Variants in PPP1R21 observed in about 807,000 individuals in gnomAD.
The protein encoded by PPP1R21 is protein phosphatase 1 regulatory subunit 21.
Under a neutral mutation model 112.8 loss-of-function variants are expected in PPP1R21, and 85 were observed. That is an observed-to-expected ratio of 0.75 (90% CI 0.63 to 0.90). PPP1R21 has a LOEUF of 0.90. Ranked by LOEUF, PPP1R21 falls within the 40% of genes least tolerant of loss-of-function variation. The pLI is 0.00. For missense variants in PPP1R21, 1,199 were observed against 901.5 expected, an observed-to-expected ratio of 1.33 and a Z score of -4.23; for synonymous variants, 381 against 322.3, an observed-to-expected ratio of 1.18 and a Z score of -1.95.
intron 2 of PPP1R21, among the ~76,000 whole-genome samples, chr2:48,453,246 AC>A (rs1303893184): frequency 6.6e-6 from 1 of 151,970 alleles, no homozygotes; most frequent in African/African-American, 2.4e-5. Context: ...GAGCCACTGC[AC>A]CTGGCCTAGG....
rs1432323397 is a variant in PPP1R21 at position 48,489,702 on chromosome 2, G to A, written c.1447-1316G>A. The stretch of plus-strand genomic sequence containing the variant: ...GGCACGGTAGCTCACCTGAGGTCAC[G>A]AGTTTGAGACCAGCCTGGCCAACAT... On this transcript the variant is annotated intron_variant, in intron 14 of 21. Transcript: ENST00000294952. Among the ~76,000 whole-genome samples the A allele has an allele frequency of 2.0e-5, 3 of 152,028 alleles. No homozygotes were observed. The East Asian group carries it at 5.9e-4, about 30-fold the overall frequency.
At chr2:48,457,098 G>A (rs1667762644) in intron 3 of PPP1R21, among the ~76,000 whole-genome samples, 1 of 152,106 alleles carries the variant, frequency 6.6e-6, no homozygotes, top group African/African-American at 2.4e-5. Flanking sequence ...GACCCTTGGG[G>A]AGAGAATAGT....
chr2:48,490,966 T>A (rs769478142), intron 14 of PPP1R21, 52 bp from the exon 15 acceptor site: 7 of 1,488,070 alleles, frequency 4.7e-6, no homozygotes, highest in Non-Finnish European at 6.6e-6. Flanking sequence ...GATATATATT[T>A]TAGATATATT....
At chr2:48,451,322 C>T (rs1667459652) in intron 2 of PPP1R21, among the ~76,000 whole-genome samples, 1 of 152,194 alleles carries the variant, frequency 6.6e-6, no homozygotes, top group Admixed American at 6.5e-5. Context: ...TGCATTACTC[C>T]TGTGCCTCAA....
At position 48,483,596 on chromosome 2, in the gene PPP1R21, A is replaced by G. The variant is rs562005331; in HGVS notation, c.1319-3035A>G. On this transcript the variant is annotated intron_variant, in intron 13 of 21. Coordinates refer to ENST00000294952, the MANE Select transcript of PPP1R21 (RefSeq NM_001135629.3). Reference sequence around the variant, plus strand: ...CACGTTAACTGACTTGTACTGCTTTATAAGCTCATTTAGCAAAGTAGTGCA... The same window carrying G: ...CACGTTAACTGACTTGTACTGCTTTGTAAGCTCATTTAGCAAAGTAGTGCA... Among the ~76,000 whole-genome samples the G allele has an allele frequency of 6.1e-4, 93 of 152,364 alleles. 3 individuals are homozygous for G. Among genetic ancestry groups the G allele is most frequent in the Admixed American group, 5.2e-4 (8 of 15,296 alleles).
intron 3 of PPP1R21, among the ~76,000 whole-genome samples, chr2:48,455,101 G>A (rs1021134331): frequency 2.3e-4 from 35 of 150,950 alleles, no homozygotes; most frequent in African/African-American, 7.8e-4. Flanking sequence ...GCCTCCCAAA[G>A]TGCTATGATT....
chr2:48,454,605 A>G lies in PPP1R21; in HGVS notation c.137A>G (p.Lys46Arg), dbSNP rs377168647. The G allele has an allele frequency of 2.0e-5, 32 of 1,614,048 alleles. No individual in the cohort carries two copies. Among genetic ancestry groups the G allele is most frequent in the Non-Finnish European group, 2.6e-5 (31 of 1,180,000 alleles). ...TTCACTTTGATATAGGAGCAACTGAAAATGAAGGATCAGTCATTGAGAAAA... is the reference window on the plus strand; with the variant it reads ...TTCACTTTGATATAGGAGCAACTGAGAATGAAGGATCAGTCATTGAGAAAA... The part of the protein sequence containing the change: ...ANSAALKEQL[K>R]MKDQSLRKLQ... Residue 46 changes from lysine to arginine, a missense_variant, in exon 3 of 22, where the codon AAA becomes AGA. Coordinates refer to ENST00000294952, the MANE Select transcript of PPP1R21 (RefSeq NM_001135629.3).
In PPP1R21 at chr2:48,458,100, T is replaced by C. The variant is rs753944614; in HGVS notation, c.274-26T>C. 9.5e-6 allele frequency: 14 copies of C among 1,467,304 alleles called. No individual in the cohort carries two copies. The Admixed American group carries it at 1.0e-4, about 11-fold the overall frequency. 90.9% of individuals were successfully genotyped at this position (1,467,304 alleles called of 1,614,324 possible). ...GTTTCTCTAAAGGATGAAAGTTATG[T>C]GGACATAACTTATTCTTTCCATCAG... is the stretch of plus-strand genomic sequence containing the variant. On this transcript the variant is annotated intron_variant, in intron 3 of 21. Transcript: ENST00000294952.
chr2:48,459,803 G>C lies in PPP1R21; in HGVS notation c.425G>C (p.Ser142Thr). ...QHKHVEAELR[S>T]RLATLETEAA... The stretch of plus-strand genomic sequence containing the variant: ...AAGCATGTGGAAGCAGAGCTGAGGA[G>C]TCGACTGGCCACTCTGGAGACAGAA... The change falls in exon 5 of 22, where the codon AGT becomes ACT. Residue 142 changes from serine to threonine, a missense_variant. By Grantham distance (58) the Ser-to-Thr change is moderately conservative. Coordinates refer to ENST00000294952, the MANE Select transcript of PPP1R21 (RefSeq NM_001135629.3). 6.2e-7 allele frequency: 1 copy of C among 1,614,062 alleles called. No individual in the cohort carries two copies. Among genetic ancestry groups the C allele is most frequent in the Non-Finnish European group, 8.5e-7 (1 of 1,180,040 alleles).
At chr2:48,485,774 TC>T (rs904115022) in intron 13 of PPP1R21, among the ~76,000 whole-genome samples, 5 of 150,890 alleles carry the variant, frequency 3.3e-5, no homozygotes, top group African/African-American at 1.2e-4. Flanking sequence ...CAACAAAATT[TC>T]TTGATTCTAA....
In PPP1R21 at chr2:48,458,147, C is replaced by T; in HGVS notation, c.295C>T (p.Gln99Ter). 2 of 1,611,382 alleles carry T rather than the reference C, an allele frequency of 1.2e-6. No homozygotes were observed. Among genetic ancestry groups the T allele is most frequent in the Non-Finnish European group, 1.7e-6 (2 of 1,178,124 alleles). ...KNKKSGESSS[Q>*]LSQEQKSVFD... ...TCAGAAAAGTGGAGAATCTTCTTCT[C>T]AGTTGAGTCAAGAGCAGAAGAGTGT... is the stretch of plus-strand genomic sequence containing the variant. The change falls in exon 4 of 22, where the codon CAG becomes TAG. Residue 99 changes from glutamine (Q) to a stop codon, truncating the protein, a stop_gained. Transcript: ENST00000294952. LOFTEE classifies it high-confidence loss of function.
rs909658634 is a variant in PPP1R21 at position 48,505,552 on chromosome 2, C to T, written c.1936-12C>T. ...CATTCTGTTCTAAAAGATTTTTCCC[C>T]TTATGTTCTAGATTGGGACTTTAAC... On this transcript the variant is annotated splice_polypyrimidine_tract_variant and intron_variant, in intron 17 of 21. Transcript: ENST00000294952. The T allele has an allele frequency of 1.3e-6, 2 of 1,545,068 alleles. No homozygotes were observed. Among genetic ancestry groups the T allele is most frequent in the Non-Finnish European group, 1.8e-6 (2 of 1,140,578 alleles).
intron 15 of PPP1R21, among the ~76,000 whole-genome samples, chr2:48,493,077 C>T (rs1250823524): frequency 1.5e-5 from 2 of 134,878 alleles, no homozygotes; most frequent in African/African-American, 5.7e-5. Flanking sequence ...AGTGCAGTGG[C>T]ATGATCTCGG....
intron 17 of PPP1R21, among the ~76,000 whole-genome samples, chr2:48,504,901 G>A (rs572485093): frequency 1.3e-5 from 2 of 152,196 alleles, no homozygotes; most frequent in African/African-American, 2.4e-5. Flanking sequence ...GGCTGGAGAC[G>A]GAGGATCTCT....
rs933306213 is a variant in PPP1R21, at chr2:48,451,023, C to G, written c.73C>G (p.Gln25Glu). ...CTGTTTTCAGCTTCGGGCTCAGAATCAGGTTCTGAAAAAAGGTGTTGTGGA... is the reference window on the plus strand; with the variant it reads ...CTGTTTTCAGCTTCGGGCTCAGAATGAGGTTCTGAAAAAAGGTGTTGTGGA... ...QEYSKLRAQNQVLKKGVVDEQ... is the reference protein window; with the variant it reads ...QEYSKLRAQNEVLKKGVVDEQ... The change falls in exon 2 of 22, where the codon CAG becomes GAG. Residue 25 changes from glutamine to glutamate, a missense_variant. By Grantham distance (29) the Gln-to-Glu change is conservative (BLOSUM62 2). Coordinates refer to ENST00000294952, the MANE Select transcript of PPP1R21 (RefSeq NM_001135629.3). 3 of 1,613,542 alleles carry G rather than the reference C, an allele frequency of 1.9e-6. No homozygotes were observed. The highest frequency in any genetic ancestry group is 1.7e-6 in the Non-Finnish European group (2 of 1,179,602).
chr2:48,450,383 G>A (rs916499731), intron 1 of PPP1R21, among the ~76,000 whole-genome samples: 1 of 152,098 alleles, frequency 6.6e-6, no homozygotes, highest in Non-Finnish European at 1.5e-5. Flanking sequence ...TACTTAGGAC[G>A]GTGCCTAGTT....
Position 48,459,857 on chromosome 2 carries a change from G to A in PPP1R21, c.479G>A (p.Gly160Asp), listed in dbSNP as rs762157853. The change falls in exon 5 of 22, where the codon GGT (glycine) becomes GAT (aspartate). Residue 160 changes from glycine to aspartate, a missense_variant. Transcript: ENST00000294952. ...EAAQHQAVVD[G>D]LTRKYMETIE... ...GCCCAGCACCAAGCTGTGGTTGACG[G>A]TCTCACCCGGAAGTACATGGAAACC... The A allele has an allele frequency of 3.1e-6, 5 of 1,614,086 alleles. No homozygotes were observed. The African/African-American group carries it at 4.0e-5, about 13-fold the overall frequency.
intron 11 of PPP1R21, among the ~76,000 whole-genome samples, chr2:48,472,037 C>T (rs1277240903): frequency 2.0e-5 from 3 of 149,600 alleles, no homozygotes; most frequent in Non-Finnish European, 3.0e-5. Flanking sequence ...GTCAGGAGTT[C>T]GAGACCAGCC....
chr2:48,485,246 A>G (rs978440583), intron 13 of PPP1R21, among the ~76,000 whole-genome samples: 1 of 152,082 alleles, frequency 6.6e-6, no homozygotes, highest in African/African-American at 2.4e-5. Flanking sequence ...AAACCCCAGT[A>G]TTACACAATA....
Sources: allele counts gnomAD v4.1 joint callset (sites outside exome capture counted in the v4.1 genomes callset), GRCh38; gene constraint gnomAD v4.1.1; transcripts MANE v1.5; gene names NCBI Gene and HGNC (gene_info 2026-07-23, HGNC 2026-07-21).